The following BTRC variants were observed in gnomAD, a reference collection of about 807,000 sequenced individuals.
BTRC encodes the protein beta-transducin repeat containing E3 ubiquitin protein ligase.
Under a neutral mutation model 85.5 loss-of-function variants are expected in BTRC, and 42 were observed. The observed-to-expected ratio is 0.49, with a 90% CI of 0.38 to 0.64. The LOEUF is 0.64. Ranked by LOEUF, BTRC falls within the 30% of genes least tolerant of loss-of-function variation. The probability of loss-of-function intolerance (pLI) is 0.00; values close to 1 mark genes in which losing one functional copy is unlikely to be tolerated. For synonymous variants in BTRC, 255 were observed against 263.3 expected, an observed-to-expected ratio of 0.97 and a Z score of 0.30; for missense variants, 594 against 743.5, an observed-to-expected ratio of 0.80 and a Z score of 2.34.
chr10:101,391,212 G>A (rs913921091), intron 1 of BTRC, among the ~76,000 whole-genome samples: 3 of 152,134 alleles, frequency 2.0e-5, no homozygotes, highest in Non-Finnish European at 4.4e-5. Context: ...TAGGCTTGGG[G>A]AATAGTGTAA....
In BTRC at chr10:101,430,256, T is replaced by C. The variant is rs543592167; in HGVS notation, c.49-89T>C. On this transcript the variant is annotated intron_variant, in intron 1 of 14. Coordinates refer to ENST00000370187, the MANE Select transcript of BTRC (RefSeq NM_033637.4). The stretch of plus-strand genomic sequence containing the variant: ...TCATAAAGGTCAGCTGCAACTGGAA[T>C]ATTGCGTTCAGCCAAGCCTTAAAAA... 2.4e-5 allele frequency: 18 copies of C among 737,584 alleles called. No individual in the cohort carries two copies. In the African/African-American group the frequency reaches 3.2e-4, roughly 13 times the overall value. The allele number at this position is 737,584 out of a possible 1,614,324, so 45.7% of individuals were successfully genotyped here. A position where few individuals can be genotyped will look rare whatever the true frequency, so the allele number is the denominator to read the frequency against.
intron 13 of BTRC, among the ~76,000 whole-genome samples, chr10:101,547,072 A>G (rs2134465396): frequency 6.6e-6 from 1 of 152,336 alleles, no homozygotes. Context: ...AAAAATACAG[A>G]CTAATAATGG....
intron 1 of BTRC, among the ~76,000 whole-genome samples, chr10:101,360,135 G>A (rs1942158154): frequency 6.6e-6 from 1 of 150,398 alleles, no homozygotes; most frequent in South Asian, 2.1e-4. Flanking sequence ...GCTCACTGCA[G>A]CCCCTACCTC....
intron 1 of BTRC, among the ~76,000 whole-genome samples, chr10:101,371,502 A>T (rs1942634527): frequency 6.6e-6 from 1 of 152,022 alleles, no homozygotes; most frequent in African/African-American, 2.4e-5. Flanking sequence ...TATGAATTTG[A>T]TTCCTCTAGA....
chr10:101,485,925 C>G (rs2134243884), intron 4 of BTRC, among the ~76,000 whole-genome samples: 1 of 152,320 alleles, frequency 6.6e-6, no homozygotes, highest in East Asian at 1.9e-4. Flanking sequence ...GTCGGATCAC[C>G]CGCACAGAGA....
intron 8 of BTRC, among the ~76,000 whole-genome samples, chr10:101,532,750 A>ATGTGTGTGTG (rs71643587): frequency 0.019 from 1,900 of 102,174 alleles, 24 homozygotes; most frequent in Admixed American, 0.039. Flanking sequence ...CTGAAGCTAT[A>ATGTGTGTGTG]TGTGTGTGTG....
At chr10:101,512,641 C>G (rs1415751659) in intron 4 of BTRC, among the ~76,000 whole-genome samples, 1 of 152,198 alleles carries the variant, frequency 6.6e-6, no homozygotes, top group African/African-American at 2.4e-5. Flanking sequence ...CTGCAAGTGT[C>G]TATTTTTCCC....
intron 2 of BTRC, among the ~76,000 whole-genome samples, chr10:101,453,879 G>T (rs771570608): frequency 1.3e-5 from 2 of 152,234 alleles, no homozygotes; most frequent in East Asian, 3.8e-4. Context: ...TTGAGGCTTT[G>T]TGGGAGATAG....
At chr10:101,386,937 G>T (rs1943094508) in intron 1 of BTRC, among the ~76,000 whole-genome samples, 1 of 152,144 alleles carries the variant, frequency 6.6e-6, no homozygotes, top group Non-Finnish European at 1.5e-5. Context: ...AGTCTTTCTA[G>T]AATTGATTTT....
intron 4 of BTRC, among the ~76,000 whole-genome samples, chr10:101,482,393 CTTTTTTTT>C (rs55978440): frequency 3.0e-5 from 3 of 99,814 alleles, no homozygotes; most frequent in Non-Finnish European, 6.2e-5. Context: ...TTGTTTGTTT[CTTTTTTTT>C]TTTTTTTTTT....
intron 4 of BTRC, among the ~76,000 whole-genome samples, chr10:101,485,006 G>A (rs796960117): frequency 4.6e-5 from 7 of 152,250 alleles, no homozygotes; most frequent in East Asian, 1.9e-4. Context: ...CTAGATGTGC[G>A]TGCCGTTTAA....
At chr10:101,497,306 A>G (rs527974329) in intron 4 of BTRC, among the ~76,000 whole-genome samples, 17 of 152,338 alleles carry the variant, frequency 1.1e-4, no homozygotes, top group Admixed American at 4.6e-4. Context: ...TTTCATTTCC[A>G]TATAAATTTT....
In BTRC at chr10:101,456,889, TAATATA is replaced by T. The variant is rs1453610517; in HGVS notation, c.157-5089_157-5084del. 2.6e-5 allele frequency among the ~76,000 whole-genome samples: 4 copies of T among 152,332 alleles called. No individual in the cohort carries two copies. In the East Asian group the frequency reaches 7.7e-4, roughly 29 times the overall value. On this transcript the variant is annotated intron_variant, in intron 2 of 14. Coordinates refer to ENST00000370187, the MANE Select transcript of BTRC (RefSeq NM_033637.4). ...TGGGCTAAGAAATAAATATTTGAGTTAATATAAAAGGTAACAAGTTGTGTAGAATCT... is the reference window on the plus strand; with the variant it reads ...TGGGCTAAGAAATAAATATTTGAGTTAAAGGTAACAAGTTGTGTAGAATCT...
intron 4 of BTRC, among the ~76,000 whole-genome samples, chr10:101,502,748 T>G (rs2134296356): frequency 6.6e-6 from 1 of 152,310 alleles, no homozygotes; most frequent in East Asian, 1.9e-4. Context: ...AGATTAACAG[T>G]TCAGTTTATC....
intron 9 of BTRC, 37 bp from the exon 10 acceptor site, chr10:101,534,624 G>C: frequency 6.2e-7 from 1 of 1,610,910 alleles, no homozygotes; most frequent in Non-Finnish European, 8.5e-7. Flanking sequence ...ACAGATTGTA[G>C]CTTGAGTACC....
At chr10:101,548,480 A>G (rs1363959599) in intron 13 of BTRC, among the ~76,000 whole-genome samples, 1 of 152,234 alleles carries the variant, frequency 6.6e-6, no homozygotes, top group African/African-American at 2.4e-5. Context: ...AGCTGGGCTC[A>G]GTGGCTCATG....
At chr10:101,452,071 C>T (rs890763359) in intron 2 of BTRC, among the ~76,000 whole-genome samples, 9 of 152,204 alleles carry the variant, frequency 5.9e-5, no homozygotes, top group African/African-American at 1.7e-4. Flanking sequence ...GAGAATTGCT[C>T]GAATCTCAGT....
At chr10:101,520,026 A>G (rs1020983313) in intron 4 of BTRC, among the ~76,000 whole-genome samples, 1 of 152,154 alleles carries the variant, frequency 6.6e-6, no homozygotes, top group Non-Finnish European at 1.5e-5. Context: ...AATCTTGGGG[A>G]CCATCTTAGA....
At chr10:101,502,196 C>G in intron 4 of BTRC, among the ~76,000 whole-genome samples, 1 of 152,140 alleles carries the variant, frequency 6.6e-6, no homozygotes, top group Admixed American at 6.6e-5. Flanking sequence ...TGCCACAAAT[C>G]AGAAGGAAGC....
Sources: allele counts gnomAD v4.1 joint callset (sites outside exome capture counted in the v4.1 genomes callset), GRCh38; gene constraint gnomAD v4.1.1; transcripts MANE v1.5; gene names NCBI Gene and HGNC (gene_info 2026-07-23, HGNC 2026-07-21).